DHX36: variants seen among roughly 807,000 people sequenced by gnomAD.
The protein encoded by DHX36 is ATP-dependent DNA/RNA helicase DHX36.
A neutral mutation model predicts 139.0 loss-of-function variants in DHX36; 50 were observed. The observed-to-expected ratio is 0.36, with a 90% CI of 0.29 to 0.46. The LOEUF is 0.46. Among genes scored for constraint, DHX36 ranks in the 20% least tolerant of loss-of-function variants. DHX36 has a pLI of 1.00. For missense variants in DHX36, 1,024 were observed against 1,211.3 expected (o/e 0.85, Z 2.29); for synonymous variants, 425 against 401.9 (o/e 1.06, Z -0.69).
At chr3:154,286,909 T>C (rs1035352083) in intron 17 of DHX36, among the ~76,000 whole-genome samples, 1 of 152,120 alleles carries the variant, frequency 6.6e-6, no homozygotes, top group African/African-American at 2.4e-5. Flanking sequence ...CTCAAACTCC[T>C]GGGCTCAAGC....
intron 1 of DHX36, among the ~76,000 whole-genome samples, chr3:154,321,926 C>CAAAAAAA (rs36004138): frequency 8.9e-6 from 1 of 111,920 alleles, no homozygotes; most frequent in Admixed American, 9.1e-5. Context: ...GACTCCAACT[C>CAAAAAAA]AAAAAAAAAA....
intron 9 of DHX36, among the ~76,000 whole-genome samples, chr3:154,303,064 G>A (rs1442591155): frequency 2.0e-5 from 3 of 152,108 alleles, no homozygotes; most frequent in African/African-American, 4.8e-5. Flanking sequence ...GCGACAGAGA[G>A]AGACTCTGTC....
chr3:154,314,208 C>T (rs1369403222), intron 3 of DHX36, among the ~76,000 whole-genome samples: 1 of 152,172 alleles, frequency 6.6e-6, no homozygotes, highest in Non-Finnish European at 1.5e-5. Flanking sequence ...ACCCAACAGG[C>T]ATCAAAGAGC....
chr3:154,310,803 A>T (rs1472901099), intron 4 of DHX36, among the ~76,000 whole-genome samples: 2 of 33,570 alleles, frequency 6.0e-5, no homozygotes, highest in East Asian at 6.7e-4. Context: ...AAAAAAAAAA[A>T]AAAATATATA....
chr3:154,317,495 G>C (rs569597100), intron 1 of DHX36, among the ~76,000 whole-genome samples: 1 of 151,856 alleles, frequency 6.6e-6, no homozygotes, highest in Non-Finnish European at 1.5e-5. Flanking sequence ...TGGCATTCAC[G>C]GGGCCAAGGC....
intron 22 of DHX36, chr3:154,279,960 T>A (rs1380519685): frequency 6.6e-6 from 1 of 152,192 alleles, no homozygotes; most frequent in African/African-American, 2.4e-5. Flanking sequence ...GACACATCTA[T>A]CAAATTAAAA....
chr3:154,276,935 G>T, intron 23 of DHX36, 36 bp from the exon 24 acceptor site: 1 of 1,562,740 alleles, frequency 6.4e-7, no homozygotes, highest in Non-Finnish European at 8.7e-7. Flanking sequence ...ATACATTCAG[G>T]AGTCTGAAAA....
intron 23 of DHX36, 143 bp downstream of exon 23, chr3:154,277,455 T>C (rs1719185574): frequency 3.0e-6 from 2 of 671,814 alleles, no homozygotes; most frequent in Non-Finnish European, 4.6e-6. Flanking sequence ...ATAGGTTATT[T>C]GTTAGAGGGA....
rs1351185487 is a variant in DHX36, at chr3:154,283,455, TAA to T, written c.2293-186_2293-185del. On this transcript the variant is annotated intron_variant, in intron 19 of 24. Transcript: ENST00000496811. ...ATACACTCCCCATGATCCTAGTCCT[TAA>T]GAGACAACCACCACTGAAGTTCCAG... is the stretch of plus-strand genomic sequence containing the variant. Among the ~76,000 whole-genome samples, 6 of 152,240 alleles carry T rather than the reference TAA, an allele frequency of 3.9e-5. No homozygotes were observed. The East Asian group carries it at 1.2e-3, about 29-fold the overall frequency.
intron 4 of DHX36, 43 bp from the exon 5 acceptor site, chr3:154,309,866 G>A: frequency 7.1e-7 from 1 of 1,405,516 alleles, no homozygotes; most frequent in Non-Finnish European, 9.7e-7. Flanking sequence ...TGTTGACTAA[G>A]TCTGAAAAAA....
intron 22 of DHX36, chr3:154,278,958 T>A (rs990639172): frequency 3.3e-5 from 5 of 152,298 alleles, no homozygotes; most frequent in Admixed American, 2.0e-4. Flanking sequence ...CACAAATTTC[T>A]TTTTTCTTTT....
rs1473651394 is a variant in DHX36 at position 154,274,532 on chromosome 3, T to C, written c.*1639A>G. 1 of 152,274 alleles carries C rather than the reference T, an allele frequency of 6.6e-6. No individual in the cohort carries two copies. The highest frequency in any genetic ancestry group is 1.5e-5 in the Non-Finnish European group (1 of 68,130). 9.4% of individuals were successfully genotyped at this position (152,274 alleles called of 1,614,324 possible). A position where few individuals can be genotyped will look rare whatever the true frequency, so the allele number is the denominator to read the frequency against. On this transcript the variant is annotated 3_prime_UTR_variant, in exon 25 of 25. Coordinates refer to ENST00000496811, the MANE Select transcript of DHX36 (RefSeq NM_020865.3). Reference sequence around the variant, plus strand: ...AACCTCAGTCTGAGTCCGTGTCTCCTTGTGATCATTAGTTGGCTGCAGCAG... The same window carrying C: ...AACCTCAGTCTGAGTCCGTGTCTCCCTGTGATCATTAGTTGGCTGCAGCAG...
intron 9 of DHX36, 98 bp downstream of exon 9, chr3:154,303,231 G>T (rs1712369656): frequency 2.4e-6 from 2 of 840,274 alleles, no homozygotes; most frequent in Non-Finnish European, 3.7e-6. Flanking sequence ...GTTTTACAAG[G>T]AAATAGTCAA....
At chr3:154,287,823 G>A (rs1711601442) in intron 17 of DHX36, among the ~76,000 whole-genome samples, 1 of 151,688 alleles carries the variant, frequency 6.6e-6, no homozygotes, top group African/African-American at 2.4e-5. Flanking sequence ...ATTTATGAGA[G>A]ACTACACAAA....
chr3:154,278,290 T>C (rs1719219220), intron 22 of DHX36, among the ~76,000 whole-genome samples: 1 of 151,820 alleles, frequency 6.6e-6, no homozygotes, highest in Non-Finnish European at 1.5e-5. Flanking sequence ...AATTCCTAGG[T>C]CATTTTTTTT....
At chr3:154,303,431 T>C in intron 8 of DHX36, 21 bp from the exon 9 acceptor site, 1 of 1,533,220 alleles carries the variant, frequency 6.5e-7, no homozygotes, top group Middle Eastern at 1.7e-4. Context: ...AGACAAAATA[T>C]AAGCATAAAT....
intron 10 of DHX36, 126 bp from the exon 11 acceptor site, chr3:154,300,822 G>C: frequency 8.2e-6 from 10 of 1,224,350 alleles, no homozygotes; most frequent in Non-Finnish European, 1.2e-5. Flanking sequence ...GAGAATTACT[G>C]GGGTAATTAC....
At chr3:154,316,909 G>A (rs978378231) in intron 1 of DHX36, among the ~76,000 whole-genome samples, 3 of 152,080 alleles carry the variant, frequency 2.0e-5, no homozygotes, top group African/African-American at 7.2e-5. Flanking sequence ...AAATTTATGG[G>A]ACTACAAACC....
intron 20 of DHX36, 71 bp downstream of exon 20, chr3:154,283,116 AT>A (rs1421500207): frequency 1.7e-6 from 2 of 1,208,014 alleles, no homozygotes; most frequent in Admixed American, 1.7e-5. Context: ...TATAGATCTA[AT>A]TGTACAAAAT....
Sources: gnomAD v4.1 joint callset for allele counts (sites outside exome capture counted in the v4.1 genomes callset) on GRCh38, gnomAD v4.1.1 for gene constraint, MANE v1.5 for transcripts, NCBI Gene and HGNC (gene_info 2026-07-23, HGNC 2026-07-21) for gene names.